Variants in SLC44A1 observed in about 807,000 individuals in gnomAD.
SLC44A1 encodes the protein choline transporter-like protein 1.
In SLC44A1, 26 loss-of-function variants were observed where a neutral mutation model predicts 79.3. The observed-to-expected ratio is 0.33, with a 90% CI of 0.24 to 0.46. SLC44A1 has a LOEUF of 0.46. Ranked by LOEUF, SLC44A1 falls within the 20% of genes least tolerant of loss-of-function variation. The probability of loss-of-function intolerance (pLI) is 1.00; values close to 1 mark genes in which losing one functional copy is unlikely to be tolerated. For synonymous variants in SLC44A1, 263 were observed against 286.2 expected, an observed-to-expected ratio of 0.92 and a Z score of 0.82; for missense variants, 688 against 798.1, an observed-to-expected ratio of 0.86 and a Z score of 1.66.
chr9:105,423,689 T>TA (rs1392024581), intron 15 of SLC44A1, among the ~76,000 whole-genome samples: 2 of 152,202 alleles, frequency 1.3e-5, no homozygotes, highest in African/African-American at 4.8e-5. Flanking sequence ...TCTCAGTAAA[T>TA]AGTAACACTG....
chr9:105,327,751 A>C (rs906160220), intron 3 of SLC44A1, among the ~76,000 whole-genome samples: 1 of 152,030 alleles, frequency 6.6e-6, no homozygotes. Flanking sequence ...CTCATTCTTT[A>C]GGTCCCAGCT....
chr9:105,257,306 G>A (rs189235231), intron 1 of SLC44A1, among the ~76,000 whole-genome samples: 11 of 152,058 alleles, frequency 7.2e-5, no homozygotes, highest in Middle Eastern at 3.4e-3. Context: ...ATGTTGATCA[G>A]GCTGGTCTCA....
chr9:105,378,139 A>G (rs1828351594), intron 13 of SLC44A1, among the ~76,000 whole-genome samples: 1 of 152,210 alleles, frequency 6.6e-6, no homozygotes, highest in African/African-American at 2.4e-5. Context: ...AATCCCAGCT[A>G]CTTGGAAGCT....
downstream of SLC44A1, among the ~76,000 whole-genome samples, chr9:105,398,215 G>A (rs1007141563): frequency 6.6e-6 from 1 of 152,134 alleles, no homozygotes; most frequent in African/African-American, 2.4e-5. Context: ...CTTCTTAAGT[G>A]GAAGACCTTT....
chr9:105,385,327 A>T, intron 14 of SLC44A1, 95 bp from the exon 15 acceptor site: 1 of 862,232 alleles, frequency 1.2e-6, no homozygotes, highest in Non-Finnish European at 1.9e-6. Flanking sequence ...CCATTTACCA[A>T]GATTGAGTCA....
intron 1 of SLC44A1, among the ~76,000 whole-genome samples, chr9:105,249,388 C>T (rs182346344): frequency 3.3e-5 from 5 of 152,272 alleles, no homozygotes; most frequent in African/African-American, 2.4e-5. Context: ...CTTCATCTAA[C>T]GGGAACAGAA....
At chr9:105,328,572 A>G (rs1466350936) in intron 3 of SLC44A1, among the ~76,000 whole-genome samples, 1 of 152,150 alleles carries the variant, frequency 6.6e-6, no homozygotes, top group Non-Finnish European at 1.5e-5. Context: ...TTCTCTGAGT[A>G]TTGCTGTCTT....
intron 9 of SLC44A1, among the ~76,000 whole-genome samples, chr9:105,363,909 C>T (rs1564460067): frequency 1.3e-5 from 2 of 152,108 alleles, no homozygotes; most frequent in African/African-American, 4.8e-5. Context: ...TAAGATGAAC[C>T]AGTGAATGCA....
chr9:105,315,182 C>A (rs1277895026), intron 3 of SLC44A1, among the ~76,000 whole-genome samples: 1 of 151,576 alleles, frequency 6.6e-6, no homozygotes, highest in Non-Finnish European at 1.5e-5. Context: ...TCTAGGAAGG[C>A]TTTGAGTAAT....
chr9:105,317,280 T>C (rs986795975), intron 3 of SLC44A1, among the ~76,000 whole-genome samples: 1 of 152,176 alleles, frequency 6.6e-6, no homozygotes, highest in Non-Finnish European at 1.5e-5. Context: ...GTTGTACATA[T>C]GAGTTGAAGA....
At chr9:105,252,811 C>T (rs888531939) in intron 1 of SLC44A1, among the ~76,000 whole-genome samples, 1 of 152,178 alleles carries the variant, frequency 6.6e-6, no homozygotes, top group African/African-American at 2.4e-5. Context: ...ATATTTCCTC[C>T]TTTTTGATAC....
At chr9:105,380,594 T>G (rs1828431295) in intron 13 of SLC44A1, among the ~76,000 whole-genome samples, 1 of 151,690 alleles carries the variant, frequency 6.6e-6, no homozygotes, top group Non-Finnish European at 1.5e-5. Context: ...ATGTAAATAT[T>G]TATATATATA....
At chr9:105,336,176 A>G (rs777074421) in intron 4 of SLC44A1, among the ~76,000 whole-genome samples, 13 of 150,380 alleles carry the variant, frequency 8.6e-5, no homozygotes, top group Non-Finnish European at 1.6e-4. Context: ...CTCCCTGGTT[A>G]GCAATGTAAC....
intron 1 of SLC44A1, among the ~76,000 whole-genome samples, chr9:105,281,237 G>A (rs1383807155): frequency 8.5e-5 from 13 of 152,200 alleles, no homozygotes; most frequent in Non-Finnish European, 7.4e-5. Context: ...ATTAAGGAGA[G>A]GGGTGTTGCT....
At chr9:105,351,626 G>A (rs140133462) in intron 5 of SLC44A1, among the ~76,000 whole-genome samples, 291 of 34,114 alleles carry the variant, frequency 8.5e-3, no homozygotes, top group East Asian at 0.019. Flanking sequence ...AAGAAAGAGA[G>A]AGAAAGAGAA....
intron 15 of SLC44A1, among the ~76,000 whole-genome samples, chr9:105,433,768 A>T (rs1419480605): frequency 6.6e-6 from 1 of 152,178 alleles, no homozygotes; most frequent in African/African-American, 2.4e-5. Flanking sequence ...ATGCTCACAC[A>T]GGGGGTTCTC....
downstream of SLC44A1, among the ~76,000 whole-genome samples, chr9:105,401,326 T>G (rs1302860294): frequency 6.6e-6 from 1 of 152,188 alleles, no homozygotes; most frequent in African/African-American, 2.4e-5. Context: ...AATAAAATGA[T>G]AGTAACTAAA....
chr9:105,326,620 C>T (rs1826585223), intron 3 of SLC44A1, among the ~76,000 whole-genome samples: 1 of 152,158 alleles, frequency 6.6e-6, no homozygotes, highest in African/African-American at 2.4e-5. Flanking sequence ...AGGCCTTTGA[C>T]AATCTATTCG....
chr9:105,415,580 G>C (rs1311533051), intron 15 of SLC44A1, among the ~76,000 whole-genome samples: 1 of 152,212 alleles, frequency 6.6e-6, no homozygotes, highest in Non-Finnish European at 1.5e-5. Flanking sequence ...CTTGTCTCTA[G>C]CGACACCTGC....
Sources: allele counts gnomAD v4.1 joint callset (sites outside exome capture counted in the v4.1 genomes callset), GRCh38; gene constraint gnomAD v4.1.1; transcripts MANE v1.5; gene names NCBI Gene and HGNC (gene_info 2026-07-23, HGNC 2026-07-21).